SPIDR: variants seen among roughly 807,000 people sequenced by gnomAD.
The protein encoded by SPIDR is scaffold protein involved in DNA repair, also known as DNA repair-scaffolding protein.
In SPIDR, 93 loss-of-function variants were observed where a neutral mutation model predicts 104.6. The observed-to-expected ratio is 0.89, with a 90% confidence interval of 0.75 to 1.06. The LOEUF (loss-of-function observed/expected upper bound fraction) is 1.06, where lower values mean the gene tolerates loss of function less well. SPIDR is among the 50% of genes least tolerant of loss of function. The pLI, the probability that SPIDR is intolerant of heterozygous loss-of-function variation, is 0.00. For missense variants in SPIDR, 1,154 were observed against 1,111.2 expected (o/e 1.04, Z -0.55); for synonymous variants, 431 against 416.9 (o/e 1.03, Z -0.41).
At chr8:47,596,065 G>C (rs370238560) in intron 9 of SPIDR, 59 bp downstream of exon 9, 8 of 1,485,386 alleles carry the variant, frequency 5.4e-6, no homozygotes, top group East Asian at 4.6e-5. Flanking sequence ...ACTGGATTTG[G>C]AAGGGCTTCA....
intron 1 of SPIDR, among the ~76,000 whole-genome samples, chr8:47,268,572 C>T (rs1005912882): frequency 3.3e-5 from 5 of 152,074 alleles, no homozygotes; most frequent in Admixed American, 6.6e-5. Context: ...CTTTTTGATG[C>T]TATTTTGAAT....
intron 5 of SPIDR, among the ~76,000 whole-genome samples, chr8:47,296,204 T>C (rs918331248): frequency 6.6e-6 from 1 of 152,178 alleles, no homozygotes; most frequent in African/African-American, 2.4e-5. Flanking sequence ...TTTGTAGATA[T>C]TTTCTCTCAA....
chr8:47,303,825 C>T (rs964766682), intron 5 of SPIDR, among the ~76,000 whole-genome samples: 6 of 152,134 alleles, frequency 3.9e-5, no homozygotes, highest in African/African-American at 1.2e-4. Context: ...TACAGGCGCC[C>T]GTCACCATGC....
intron 9 of SPIDR, among the ~76,000 whole-genome samples, chr8:47,597,437 T>C (rs1159234694): frequency 6.6e-6 from 1 of 152,158 alleles, no homozygotes; most frequent in Non-Finnish European, 1.5e-5. Flanking sequence ...CACACTACTT[T>C]TGTTTACACC....
intron 8 of SPIDR, among the ~76,000 whole-genome samples, chr8:47,531,256 A>G (rs1169170910): frequency 1.3e-5 from 2 of 152,170 alleles, no homozygotes; most frequent in African/African-American, 2.4e-5. Flanking sequence ...GCCTAGGCCT[A>G]CATGGGGTCA....
chr8:47,297,587 C>A (rs1011811813), intron 5 of SPIDR, among the ~76,000 whole-genome samples: 1 of 152,086 alleles, frequency 6.6e-6, no homozygotes. Context: ...AGGTATATCT[C>A]CTAATGCTAT....
intron 17 of SPIDR, 66 bp downstream of exon 17, chr8:47,727,359 G>C (rs1289890633): frequency 4.1e-6 from 6 of 1,471,942 alleles, no homozygotes; most frequent in Non-Finnish European, 5.7e-6. Flanking sequence ...CCCAGCCCCA[G>C]AACCTGGGCC....
At chr8:47,453,135 C>T (rs568650876) in intron 8 of SPIDR, among the ~76,000 whole-genome samples, 2 of 152,218 alleles carry the variant, frequency 1.3e-5, no homozygotes, top group African/African-American at 4.8e-5. Flanking sequence ...GAATGAAATA[C>T]CTGGGAATCC....
chr8:47,642,018 T>C (rs763853482), intron 10 of SPIDR, among the ~76,000 whole-genome samples: 9 of 152,182 alleles, frequency 5.9e-5, no homozygotes, highest in Non-Finnish European at 1.2e-4. Context: ...GAGTGGACTC[T>C]GCGCACGTGT....
At chr8:47,470,981 G>A (rs769297454) in intron 8 of SPIDR, among the ~76,000 whole-genome samples, 19 of 152,090 alleles carry the variant, frequency 1.2e-4, no homozygotes, top group African/African-American at 4.1e-4. Context: ...TGATCCGCCC[G>A]CCTTGGCCTC....
intron 14 of SPIDR, among the ~76,000 whole-genome samples, chr8:47,710,929 G>A (rs538595615): frequency 2.0e-5 from 3 of 151,642 alleles, no homozygotes; most frequent in Admixed American, 2.0e-4. Flanking sequence ...ACAGGCACTC[G>A]CCACCACACC....
chr8:47,480,229 G>A (rs1778678942), intron 8 of SPIDR, among the ~76,000 whole-genome samples: 1 of 152,116 alleles, frequency 6.6e-6, no homozygotes, highest in African/African-American at 2.4e-5. Context: ...AAGGCAAGAT[G>A]GATTTAATGT....
chr8:47,527,974 A>G (rs2085296999), intron 8 of SPIDR: 1 of 152,122 alleles, frequency 6.6e-6, no homozygotes, highest in South Asian at 2.1e-4. Context: ...GATGGGGAAA[A>G]TACTGGTTCT....
intron 8 of SPIDR, among the ~76,000 whole-genome samples, chr8:47,494,269 T>A (rs1462454155): frequency 2.0e-5 from 3 of 151,610 alleles, no homozygotes; most frequent in Non-Finnish European, 4.4e-5. Flanking sequence ...ACTACAAGTG[T>A]AAGCCACCAT....
At chr8:47,313,196 A>G (rs1245705356) in intron 5 of SPIDR, among the ~76,000 whole-genome samples, 3 of 152,196 alleles carry the variant, frequency 2.0e-5, no homozygotes, top group Non-Finnish European at 2.9e-5. Flanking sequence ...TTAAGCTGAT[A>G]AGCAACTTCA....
At chr8:47,408,007 T>G (rs781936075) in intron 7 of SPIDR, 46 bp downstream of exon 7, 3 of 1,043,238 alleles carry the variant, frequency 2.9e-6, no homozygotes, top group Non-Finnish European at 4.2e-6. Context: ...AAAAATATTT[T>G]AGTTAAAAGA....
intron 8 of SPIDR, among the ~76,000 whole-genome samples, chr8:47,536,451 T>C (rs777687544): frequency 2.2e-4 from 33 of 152,138 alleles, no homozygotes; most frequent in Non-Finnish European, 1.6e-4. Context: ...TGGAACAAAA[T>C]ATAGAACAAG....
chr8:47,443,604 A>C (rs1554698996), intron 8 of SPIDR, among the ~76,000 whole-genome samples: 1 of 149,734 alleles, frequency 6.7e-6, no homozygotes, highest in African/African-American at 2.4e-5. Context: ...CCTCATACTT[A>C]ACAAAACAAA....
At chr8:47,563,055 T>C (rs1383348776) in intron 8 of SPIDR, among the ~76,000 whole-genome samples, 1 of 149,066 alleles carries the variant, frequency 6.7e-6, no homozygotes, top group African/African-American at 2.5e-5. Flanking sequence ...TTTTTTTTTG[T>C]CAATGAAGGA....
Sources: allele counts gnomAD v4.1 joint callset (sites outside exome capture counted in the v4.1 genomes callset), GRCh38; gene constraint gnomAD v4.1.1; transcripts MANE v1.5; gene names NCBI Gene and HGNC (gene_info 2026-07-23, HGNC 2026-07-21).